XPO6: variants seen among roughly 807,000 people sequenced by gnomAD.
XPO6 encodes exportin-6.
In XPO6, 3 loss-of-function variants were observed where a neutral mutation model predicts 130.0. The observed-to-expected ratio is 0.02, with a 90% confidence interval of 0.01 to 0.06. XPO6 has a LOEUF of 0.06. Among genes scored for constraint, XPO6 ranks in the 10% least tolerant of loss-of-function variants. XPO6 has a pLI of 1.00. For synonymous variants in XPO6, 524 were observed against 548.9 expected (o/e 0.95, Z 0.63); for missense variants, 970 against 1,393.0 (o/e 0.70, Z 4.83).
intron 3 of XPO6, among the ~76,000 whole-genome samples, 195 bp from the exon 4 acceptor site, chr16:28,176,290 C>T (rs1341671004): frequency 6.6e-6 from 1 of 152,110 alleles, no homozygotes; most frequent in African/African-American, 2.4e-5. Context: ...GGAAGAACTG[C>T]CAAATAACAG....
chr16:28,178,872 T>C (rs1251412425), intron 2 of XPO6, among the ~76,000 whole-genome samples: 2 of 151,554 alleles, frequency 1.3e-5, no homozygotes, highest in Admixed American at 6.6e-5. Flanking sequence ...ATCGAGACTA[T>C]CCTGGCCAAC....
intron 14 of XPO6, among the ~76,000 whole-genome samples, chr16:28,120,364 TTAAAG>T (rs1361560125): frequency 1.3e-5 from 2 of 152,218 alleles, no homozygotes; most frequent in African/African-American, 4.8e-5. Flanking sequence ...TGCTAGTACT[TTAAAG>T]TAAGAAAATA....
intron 2 of XPO6, among the ~76,000 whole-genome samples, chr16:28,178,436 G>GT (rs2043564958): frequency 1.3e-5 from 2 of 151,622 alleles, no homozygotes; most frequent in South Asian, 2.1e-4. Context: ...AGATATGGTG[G>GT]TAAGTGCCTG....
intron 4 of XPO6, chr16:28,173,088 T>A (rs2043479529): frequency 6.6e-6 from 1 of 152,148 alleles, no homozygotes; most frequent in African/African-American, 2.4e-5. Flanking sequence ...TTAGAAGTAA[T>A]CCAGAGATGG....
At chr16:28,176,148 T>C in intron 3 of XPO6, 53 bp from the exon 4 acceptor site, 1 of 1,558,882 alleles carries the variant, frequency 6.4e-7, no homozygotes, top group Non-Finnish European at 8.8e-7. Context: ...CAAAAATAAC[T>C]GCTTTTCATC....
chr16:28,125,738 C>T lies in XPO6; in HGVS notation c.1717G>A (p.Gly573Arg), dbSNP rs778942589. ...AVGRLAEYFIGDVFAARFNDA... is the reference protein window; with the variant it reads ...AVGRLAEYFIRDVFAARFNDA... ...TTGAACCGTGCAGCAAACACATCCC[C>T]GATAAAGTACTCGGCCAGGCGGCCC... The change falls in exon 13 of 24, where the codon GGG becomes AGG. Residue 573 changes from glycine (G) to arginine (R), a missense_variant. By Grantham distance (125) the Gly-to-Arg change is moderately radical. This residue lies in a region of XPO6 where 936 missense variants were observed against 1,306.8 expected (regional missense o/e 0.72). Transcript: ENST00000304658. 10 of 1,614,202 alleles carry T rather than the reference C, an allele frequency of 6.2e-6. No individual in the cohort carries two copies. The highest frequency in any genetic ancestry group is 2.2e-5 in the East Asian group (1 of 44,882).
chr16:28,107,800 A>G, intron 17 of XPO6, 123 bp from the exon 18 acceptor site: 2 of 1,059,606 alleles, frequency 1.9e-6, no homozygotes, highest in South Asian at 1.5e-5. Flanking sequence ...GAGTCTCACT[A>G]AAGGAACAGT....
At chr16:28,152,871 G>A in intron 7 of XPO6, 86 bp from the exon 8 acceptor site, 1 of 1,521,766 alleles carries the variant, frequency 6.6e-7, no homozygotes, top group Non-Finnish European at 8.7e-7. Flanking sequence ...TTTCAGTACA[G>A]AACTATACAA....
chr16:28,104,093 C>A (rs2086718729), intron 21 of XPO6, among the ~76,000 whole-genome samples: 1 of 152,180 alleles, frequency 6.6e-6, no homozygotes. Context: ...GCTGCATCTG[C>A]CCTGAAAGCG....
intron 12 of XPO6, among the ~76,000 whole-genome samples, chr16:28,129,537 A>C (rs2042625842): frequency 6.7e-6 from 1 of 149,954 alleles, no homozygotes; most frequent in South Asian, 2.1e-4. Flanking sequence ...GTCATTCTAA[A>C]GCTGTCTAGG....
intron 14 of XPO6, among the ~76,000 whole-genome samples, chr16:28,121,133 G>T (rs2087225556): frequency 6.6e-6 from 1 of 152,212 alleles, no homozygotes; most frequent in Admixed American, 6.5e-5. Context: ...AGAGAGTGTG[G>T]TCTCTAGATG....
intron 1 of XPO6, among the ~76,000 whole-genome samples, chr16:28,188,389 TGAG>T (rs1331591633): frequency 1.3e-5 from 2 of 152,192 alleles, no homozygotes; most frequent in Non-Finnish European, 2.9e-5. Context: ...CTCAACAAAA[TGAG>T]GACTAGTATC....
chr16:28,148,653 C>T (rs186353646), intron 8 of XPO6, among the ~76,000 whole-genome samples: 28 of 152,212 alleles, frequency 1.8e-4, no homozygotes, highest in African/African-American at 6.5e-4. Flanking sequence ...TTGCATCTTC[C>T]CCTTTTACAG....
At chr16:28,130,995 A>ATTC (rs1395420610) in intron 12 of XPO6, among the ~76,000 whole-genome samples, 1 of 152,174 alleles carries the variant, frequency 6.6e-6, no homozygotes, top group Non-Finnish European at 1.5e-5. Flanking sequence ...TCTAATTTGA[A>ATTC]TAGTGGTCCT....
chr16:28,120,400 T>C (rs1050538952), intron 14 of XPO6, among the ~76,000 whole-genome samples: 2 of 152,214 alleles, frequency 1.3e-5, no homozygotes, highest in African/African-American at 2.4e-5. Context: ...AAGTTTGAAA[T>C]TCATAGTGAC....
chr16:28,191,313 AATAGTT>A (rs1381290672), intron 1 of XPO6, among the ~76,000 whole-genome samples: 2 of 152,246 alleles, frequency 1.3e-5, no homozygotes, highest in Non-Finnish European at 2.9e-5. Context: ...AAATGATAAA[AATAGTT>A]ATTCTGCAGA....
At chr16:28,158,636 G>A (rs2043220713) in intron 6 of XPO6, among the ~76,000 whole-genome samples, 1 of 152,128 alleles carries the variant, frequency 6.6e-6, no homozygotes, top group African/African-American at 2.4e-5. Flanking sequence ...TTTTTTAAGA[G>A]TCAAGGGACC....
chr16:28,186,672 A>AT (rs35690546), intron 1 of XPO6, among the ~76,000 whole-genome samples: 81,726 of 140,878 alleles, frequency 0.58, 25,256 homozygotes, highest in South Asian at 0.72. Flanking sequence ...ATTCAGCCTA[A>AT]TTTTTTTTTT....
At chr16:28,116,988 C>T in intron 15 of XPO6, 1 of 246,832 alleles carries the variant, frequency 4.1e-6, no homozygotes, top group Non-Finnish European at 8.1e-6. Flanking sequence ...TGAGGTGTGC[C>T]TGCACAACCA....
Sources: allele counts gnomAD v4.1 joint callset (sites outside exome capture counted in the v4.1 genomes callset), GRCh38; gene constraint gnomAD v4.1.1; regional missense constraint gnomAD v4.1.1; transcripts MANE v1.5; gene names NCBI Gene and HGNC (gene_info 2026-07-23, HGNC 2026-07-21).